The following PIK3CB variants were observed in gnomAD, a reference collection of about 807,000 sequenced individuals.
The protein encoded by PIK3CB is phosphatidylinositol 4,5-bisphosphate 3-kinase catalytic subunit beta isoform.
A neutral mutation model predicts 136.8 loss-of-function variants in PIK3CB; 39 were observed. The observed-to-expected ratio is 0.29, with a 90% CI of 0.22 to 0.37. The LOEUF (loss-of-function observed/expected upper bound fraction) is 0.37, where lower values mean the gene tolerates loss of function less well. Among genes scored for constraint, PIK3CB ranks in the 10% least tolerant of loss-of-function variants. The pLI is 1.00. For missense variants in PIK3CB, 868 were observed against 1,275.4 expected (o/e 0.68, Z 4.87); for synonymous variants, 428 against 436.6 (o/e 0.98, Z 0.25).
chr3:138,825,271 C>G, intron 1 of PIK3CB: 1 of 413,450 alleles, frequency 2.4e-6, no homozygotes. Flanking sequence ...ACATCTCAGG[C>G]TGACTGTGCT....
At chr3:138,697,899 A>C (rs776658077) in intron 13 of PIK3CB, among the ~76,000 whole-genome samples, 4 of 151,836 alleles carry the variant, frequency 2.6e-5, no homozygotes, top group Non-Finnish European at 2.9e-5. Flanking sequence ...TGTCCAGCTA[A>C]TGTTTGTATT....
intron 8 of PIK3CB, among the ~76,000 whole-genome samples, chr3:138,726,886 C>CA (rs35003110): frequency 2.4e-3 from 332 of 139,458 alleles, no homozygotes; most frequent in Middle Eastern, 3.6e-3. Context: ...TATAAAAAGT[C>CA]AAAAAAAAAA....
intron 8 of PIK3CB, among the ~76,000 whole-genome samples, chr3:138,723,529 G>A (rs186614957): frequency 9.3e-4 from 141 of 152,270 alleles, no homozygotes; most frequent in African/African-American, 3.3e-3. Context: ...CAGCCTGGGT[G>A]ACAGAGCGAG....
intron 8 of PIK3CB, among the ~76,000 whole-genome samples, chr3:138,718,721 T>G (rs992787516): frequency 1.3e-5 from 2 of 152,224 alleles, no homozygotes; most frequent in African/African-American, 4.8e-5. Context: ...GACTTTTGTT[T>G]ATGGTGTAAG....
At chr3:138,746,778 T>C (rs1007476200) in intron 4 of PIK3CB, among the ~76,000 whole-genome samples, 4 of 151,668 alleles carry the variant, frequency 2.6e-5, no homozygotes, top group African/African-American at 9.7e-5. Flanking sequence ...TATTGCTTTG[T>C]CACATAACTT....
At chr3:138,673,409 A>G (rs150060104) in intron 19 of PIK3CB, among the ~76,000 whole-genome samples, 3 of 152,326 alleles carry the variant, frequency 2.0e-5, no homozygotes, top group Non-Finnish European at 4.4e-5. Context: ...ACTAAGGTGT[A>G]AAAAAGACAT....
At chr3:138,716,725 A>C (rs977910978) in intron 8 of PIK3CB, among the ~76,000 whole-genome samples, 2 of 150,544 alleles carry the variant, frequency 1.3e-5, no homozygotes, top group African/African-American at 4.9e-5. Context: ...GTGGAACACC[A>C]TCTCTACTAA....
chr3:138,663,877 C>A (rs1212699247), intron 21 of PIK3CB, 29 bp downstream of exon 21: 1 of 1,607,704 alleles, frequency 6.2e-7, no homozygotes, highest in Non-Finnish European at 8.5e-7. Context: ...ATTACTAAGG[C>A]CCTTGGCAGA....
chr3:138,813,514 T>C lies in PIK3CB; in HGVS notation c.-121-16947A>G, dbSNP rs979534200. Among the ~76,000 whole-genome samples, 13 of 150,034 alleles carry C rather than the reference T, an allele frequency of 8.7e-5. No homozygotes were observed. In the Admixed American group the frequency reaches 8.8e-4, roughly 10 times the overall value. On this transcript the variant is annotated intron_variant, in intron 1 of 23. Transcript: ENST00000674063. ...TGGCACGATCTCTCCGCCTCCTGGGTTCACACCATTCTCCTGCCTCAGCCT... is the reference window on the plus strand; with the variant it reads ...TGGCACGATCTCTCCGCCTCCTGGGCTCACACCATTCTCCTGCCTCAGCCT...
At chr3:138,723,650 A>C (rs1479316465) in intron 8 of PIK3CB, among the ~76,000 whole-genome samples, 2 of 152,246 alleles carry the variant, frequency 1.3e-5, no homozygotes, top group African/African-American at 4.8e-5. Context: ...CCAGAACATT[A>C]GGAGAGCAAA....
intron 2 of PIK3CB, 79 bp downstream of exon 2, chr3:138,796,384 C>CAAAAAAAAA (rs71626081): frequency 1.5e-5 from 1 of 66,692 alleles, no homozygotes; most frequent in Non-Finnish European, 2.8e-5. Context: ...GACTCCACCT[C>CAAAAAAAAA]AAAAAAAAAA....
At chr3:138,672,685 G>C (rs1271093471) in intron 19 of PIK3CB, among the ~76,000 whole-genome samples, 1 of 152,032 alleles carries the variant, frequency 6.6e-6, no homozygotes, top group Non-Finnish European at 1.5e-5. Context: ...ATGGAGCCAG[G>C]CGGATCACCT....
At chr3:138,826,955 G>A (rs959803594) in intron 1 of PIK3CB, among the ~76,000 whole-genome samples, 2 of 152,084 alleles carry the variant, frequency 1.3e-5, no homozygotes, top group Admixed American at 1.3e-4. Context: ...TGTAATCCCA[G>A]CTACTCGGGA....
Position 138,699,111 on chromosome 3 carries a change from G to A in PIK3CB, c.1582-16C>T, listed in dbSNP as rs1453818121. The A allele has an allele frequency of 1.4e-6, 2 of 1,443,782 alleles. No individual in the cohort carries two copies. Among genetic ancestry groups the A allele is most frequent in the Non-Finnish European group, 1.9e-6 (2 of 1,053,952 alleles). The allele number at this position is 1,443,782 out of a possible 1,614,324, so 89.4% of individuals were successfully genotyped here. ...CACCTCGACTCTAAAAAAGTAAAAT[G>A]CTCATTATAGAATTTAATTGTGCAA... On this transcript the variant is annotated splice_polypyrimidine_tract_variant and intron_variant, in intron 12 of 23. Coordinates refer to ENST00000674063, the MANE Select transcript of PIK3CB (RefSeq NM_006219.3).
chr3:138,714,287 T>C (rs1267826401), intron 9 of PIK3CB, among the ~76,000 whole-genome samples, 181 bp downstream of exon 9: 3 of 152,100 alleles, frequency 2.0e-5, no homozygotes, highest in Non-Finnish European at 2.9e-5. Context: ...AACATAAACA[T>C]AAATAAATGC....
At position 138,693,968 on chromosome 3, in the gene PIK3CB, A is replaced by ATATAT. The variant is rs1559819845; in HGVS notation, c.1892+813_1892+817dup. Among the ~76,000 whole-genome samples the ATATAT allele has an allele frequency of 1.1e-3, 65 of 59,000 alleles. 1 individual carries two copies. The highest frequency in any genetic ancestry group is 1.4e-3 in the Non-Finnish European group (51 of 35,476). 38.7% of individuals were successfully genotyped at this position (59,000 alleles called of 152,430 possible). On this transcript the variant is annotated intron_variant, in intron 14 of 23. Coordinates refer to ENST00000674063, the MANE Select transcript of PIK3CB (RefSeq NM_006219.3). The stretch of plus-strand genomic sequence containing the variant: ...ATATATATATATATATATATATATT[A>ATATAT]TATATATATATATATATATATATAT...
At chr3:138,780,775 C>T (rs1331346059) in intron 2 of PIK3CB, among the ~76,000 whole-genome samples, 2 of 152,078 alleles carry the variant, frequency 1.3e-5, no homozygotes, top group South Asian at 2.1e-4. Flanking sequence ...ATCAAGCCAT[C>T]CTCCTGTCTC....
At chr3:138,746,462 C>T (rs1370314563) in intron 4 of PIK3CB, among the ~76,000 whole-genome samples, 5 of 151,976 alleles carry the variant, frequency 3.3e-5, no homozygotes, top group Admixed American at 2.6e-4. Context: ...AGATTGAGAC[C>T]ATCCTGGCTA....
At chr3:138,717,246 G>A (rs1576352630) in intron 8 of PIK3CB, among the ~76,000 whole-genome samples, 1 of 145,028 alleles carries the variant, frequency 6.9e-6, no homozygotes, top group African/African-American at 2.6e-5. Flanking sequence ...AGAGTGAGAC[G>A]CTGTCTCAAA....
Sources: gnomAD v4.1 joint callset for allele counts (sites outside exome capture counted in the v4.1 genomes callset) on GRCh38, gnomAD v4.1.1 for gene constraint, MANE v1.5 for transcripts, NCBI Gene and HGNC (gene_info 2026-07-23, HGNC 2026-07-21) for gene names.